Variants in XPA observed in about 807,000 individuals in gnomAD.
XPA encodes the protein XPA, DNA damage recognition and repair factor.
XPA carries 27 observed loss-of-function variants against 35.7 expected under a neutral mutation model. The ratio of observed to expected loss-of-function variants is 0.76; its 90% CI spans 0.56 to 1.04. The LOEUF is 1.04. Among genes scored for constraint, XPA ranks in the 50% least tolerant of loss-of-function variants. The pLI is 0.00. For synonymous variants in XPA, 133 were observed against 118.4 expected (o/e 1.12, Z -0.80); for missense variants, 354 against 342.7 (o/e 1.03, Z -0.26).
chr9:97,664,079 T>C, the XPA span, among the ~76,000 whole-genome samples: 16 of 151,988 alleles, frequency 1.1e-4, no homozygotes, highest in African/African-American at 3.1e-4. Flanking sequence ...CTCAGGAGGT[T>C]GAGGCAGGAG....
At chr9:97,690,768 C>A (rs1210621379) in intron 2 of XPA, among the ~76,000 whole-genome samples, 1 of 152,236 alleles carries the variant, frequency 6.6e-6, no homozygotes, top group Non-Finnish European at 1.5e-5. Context: ...GGTGATCCAC[C>A]TGCCTTGGCC....
chr9:97,676,518 A>G (rs1044214760), intron 5 of XPA, among the ~76,000 whole-genome samples: 13 of 152,258 alleles, frequency 8.5e-5, no homozygotes, highest in Admixed American at 8.5e-4. Flanking sequence ...CAGCTATAAA[A>G]ATAACATACA....
intron 5 of XPA, among the ~76,000 whole-genome samples, chr9:97,676,137 T>C (rs765567238): frequency 6.6e-6 from 1 of 152,224 alleles, no homozygotes; most frequent in Admixed American, 6.5e-5. Context: ...GAAGTTCTTA[T>C]AAGATGACAG....
intron 3 of XPA, among the ~76,000 whole-genome samples, chr9:97,688,533 A>G (rs1828787867): frequency 6.6e-6 from 1 of 152,220 alleles, no homozygotes; most frequent in South Asian, 2.1e-4. Flanking sequence ...AACTGGTACA[A>G]GAGTTGCTTC....
At chr9:97,664,044 T>G in the XPA span, among the ~76,000 whole-genome samples, 31 of 151,990 alleles carry the variant, frequency 2.0e-4, no homozygotes, top group Non-Finnish European at 4.1e-4. Flanking sequence ...CCAGGCATGG[T>G]GGTGCACACC....
chr9:97,683,869 C>T (rs1255939629), intron 5 of XPA, among the ~76,000 whole-genome samples: 1 of 152,154 alleles, frequency 6.6e-6, no homozygotes, highest in South Asian at 2.1e-4. Flanking sequence ...CTCTCCAAAA[C>T]CACTTATGAA....
chr9:97,694,597 T>C (rs1040993455), intron 1 of XPA, among the ~76,000 whole-genome samples: 6 of 152,316 alleles, frequency 3.9e-5, no homozygotes, highest in African/African-American at 1.4e-4. Flanking sequence ...ATGTCTAAAA[T>C]GAAAAAGACT....
At chr9:97,666,489 G>C in the XPA span, among the ~76,000 whole-genome samples, 1 of 152,182 alleles carries the variant, frequency 6.6e-6, no homozygotes, top group Admixed American at 6.5e-5. Flanking sequence ...AATTCAGTAA[G>C]TATGTACCTC....
intron 5 of XPA, among the ~76,000 whole-genome samples, chr9:97,682,816 T>A (rs1371841956): frequency 5.3e-5 from 8 of 152,218 alleles, no homozygotes; most frequent in Non-Finnish European, 1.2e-4. Context: ...AAGTTTATAT[T>A]TCTTTAAAAA....
In XPA at chr9:97,691,036, A is replaced by C. The variant is rs139702082; in HGVS notation, c.284-1397T>G. Among the ~76,000 whole-genome samples, 258 of 152,362 alleles carry C rather than the reference A, an allele frequency of 1.7e-3. 2 individuals are homozygous for C. Among genetic ancestry groups the C allele is most frequent in the African/African-American group, 5.7e-3 (239 of 41,588 alleles). On this transcript the variant is annotated intron_variant, in intron 2 of 5. Coordinates refer to ENST00000375128, the MANE Select transcript of XPA (RefSeq NM_000380.4). ...CCCACCACAGCACTGCTGAAAGTAC[A>C]AAAGAGATTAGTCCCAGAGTGGTAG... is the stretch of plus-strand genomic sequence containing the variant.
intron 5 of XPA, among the ~76,000 whole-genome samples, chr9:97,678,109 G>A (rs3176734): frequency 0.024 from 3,668 of 152,246 alleles, 135 homozygotes; most frequent in East Asian, 0.13. Flanking sequence ...CTCAAGAAAT[G>A]ATGACATAAG....
rs1334503913 is a variant in XPA at position 97,684,914 on chromosome 9, G to A, written c.673+9C>T. On this transcript the variant is annotated intron_variant, in intron 5 of 5. Transcript: ENST00000375128. ...ACAATCCTTCACGATATAAAATGTG[G>A]CCATCTACCTTTTACTTTTTTATCA... 5.0e-6 allele frequency: 8 copies of A among 1,601,898 alleles called. No homozygotes were observed. The highest frequency in any genetic ancestry group is 2.2e-5 in the East Asian group (1 of 44,704).
the XPA span, chr9:97,664,490 T>C: frequency 1.5e-6 from 2 of 1,293,544 alleles, no homozygotes; most frequent in Non-Finnish European, 1.1e-6. Context: ...AGAATTGATA[T>C]ATGTGTGGTC....
At chr9:97,663,415 CATT>C in the XPA span, among the ~76,000 whole-genome samples, 1 of 151,972 alleles carries the variant, frequency 6.6e-6, no homozygotes, top group Non-Finnish European at 1.5e-5. Context: ...AATGATAAAA[CATT>C]GTTTTACATT....
intron 1 of XPA, 124 bp from the exon 2 acceptor site, chr9:97,693,883 C>A: frequency 1.1e-6 from 1 of 897,104 alleles, no homozygotes; most frequent in Admixed American, 2.1e-5. Flanking sequence ...TCCACAATCA[C>A]TACTTCTATT....
At chr9:97,687,285 T>C in intron 3 of XPA, 24 bp from the exon 4 acceptor site, 1 of 1,572,634 alleles carries the variant, frequency 6.4e-7, no homozygotes, top group South Asian at 1.2e-5. Context: ...AAGTCCATTA[T>C]ATAAATTAGT....
Position 97,675,375 on chromosome 9 carries a change from G to T in XPA, c.*64C>A. 6.7e-7 allele frequency: 1 copy of T among 1,499,704 alleles called. No individual in the cohort carries two copies. The highest frequency in any genetic ancestry group is 1.3e-5 in the South Asian group (1 of 78,624). The allele number at this position is 1,499,704 out of a possible 1,614,324, so 92.9% of individuals were successfully genotyped here. On this transcript the variant is annotated 3_prime_UTR_variant, in exon 6 of 6. Transcript: ENST00000375128. ...GCTTTTTTTTTTGAATTTTGAAAAG[G>T]ACCAATCTAAATTTCCTTTATTTAA... is the stretch of plus-strand genomic sequence containing the variant.
At chr9:97,663,070 T>C in the XPA span, 7 of 1,545,092 alleles carry the variant, frequency 4.5e-6, no homozygotes, top group Admixed American at 7.1e-5. Context: ...TAATTAGACA[T>C]GTTGAAGCTC....
At chr9:97,668,520 C>T in the XPA span, among the ~76,000 whole-genome samples, 1 of 152,144 alleles carries the variant, frequency 6.6e-6, no homozygotes, top group Non-Finnish European at 1.5e-5. Flanking sequence ...GAATGATTAG[C>T]AAGCTGTCTC....
Sources: gnomAD v4.1 joint callset for allele counts (sites outside exome capture counted in the v4.1 genomes callset) on GRCh38, gnomAD v4.1.1 for gene constraint, MANE v1.5 for transcripts, NCBI Gene and HGNC (gene_info 2026-07-23, HGNC 2026-07-21) for gene names.